The following ITPRID2 variants were observed in gnomAD, a reference collection of about 807,000 sequenced individuals.
ITPRID2 encodes the protein protein ITPRID2.
In ITPRID2, 60 loss-of-function variants were observed where a neutral mutation model predicts 124.3. The observed-to-expected ratio is 0.48, with a 90% confidence interval of 0.39 to 0.60. The LOEUF (loss-of-function observed/expected upper bound fraction) is 0.60, where lower values mean the gene tolerates loss of function less well. ITPRID2 is among the 20% of genes least tolerant of loss of function. The pLI is 0.00. For synonymous variants in ITPRID2, 521 were observed against 542.9 expected (o/e 0.96, Z 0.56); for missense variants, 1,553 against 1,512.2 (o/e 1.03, Z -0.45).
At chr2:181,927,141 A>G (rs1242303093) in intron 16 of ITPRID2, among the ~76,000 whole-genome samples, 1 of 152,206 alleles carries the variant, frequency 6.6e-6, no homozygotes, top group African/African-American at 2.4e-5. Context: ...CCAATTTTGC[A>G]TGATAGACTA....
chr2:181,918,780 T>C lies in ITPRID2; in HGVS notation c.2891T>C (p.Met964Thr). The C allele has an allele frequency of 6.2e-7, 1 of 1,614,106 alleles. No individual in the cohort carries two copies. The highest frequency in any genetic ancestry group is 1.1e-5 in the South Asian group (1 of 91,048). ...AATACTTTTCAGGAGCTCCAGGTAA[T>C]GAGGCGGAGCCTGAATTTGTTTAGA... is the stretch of plus-strand genomic sequence containing the variant. ...YENTFQELQV[M>T]RRSLNLFRTQ... The change falls in exon 13 of 18, where the codon ATG (methionine) becomes ACG (threonine). Residue 964 changes from methionine (M) to threonine (T), a missense_variant. Transcript: ENST00000431877.
intron 8 of ITPRID2, among the ~76,000 whole-genome samples, chr2:181,908,411 A>T (rs1307823040): frequency 6.6e-6 from 1 of 152,222 alleles, no homozygotes; most frequent in Non-Finnish European, 1.5e-5. Flanking sequence ...AGATACTTGA[A>T]GTAGACCGAG....
At position 181,901,934 on chromosome 2, in the gene ITPRID2, G is replaced by A. The variant is rs1045554881; in HGVS notation, c.881G>A (p.Arg294His). ...TTAACTCGAAGTAACACTGCAAATC[G>A]TTTAATGAAAACACTCTCAAAACTG... Reference protein sequence around the residue: ...PPLTRSNTANRLMKTLSKLNL... With the variant: ...PPLTRSNTANHLMKTLSKLNL... The change falls in exon 8 of 18, where the codon CGT becomes CAT. Residue 294 changes from arginine to histidine, a missense_variant. Transcript: ENST00000431877. The A allele has an allele frequency of 3.1e-6, 5 of 1,613,682 alleles. No homozygotes were observed. Among genetic ancestry groups the A allele is most frequent in the African/African-American group, 2.7e-5 (2 of 74,882 alleles).
At chr2:181,916,940 A>G in intron 11 of ITPRID2, 1 of 990,230 alleles carries the variant, frequency 1.0e-6, no homozygotes, top group Non-Finnish European at 1.2e-6. Context: ...TGCTGTGCAC[A>G]GAGTTAGTCT....
intron 6 of ITPRID2, among the ~76,000 whole-genome samples, chr2:181,900,069 G>T (rs1399060313): frequency 6.6e-6 from 1 of 152,214 alleles, no homozygotes; most frequent in East Asian, 1.9e-4. Flanking sequence ...TGGTATGAGA[G>T]AGAAGGGATA....
intron 8 of ITPRID2, among the ~76,000 whole-genome samples, chr2:181,904,438 C>T (rs1692938157): frequency 6.6e-6 from 1 of 151,840 alleles, no homozygotes; most frequent in African/African-American, 2.4e-5. Flanking sequence ...ATAAAAACCT[C>T]CTGGAAGTGT....
rs983597665 is a variant in ITPRID2, at chr2:181,915,749, C to T, written c.2109C>T (p.Cys703=). 2 of 1,613,932 alleles carry T rather than the reference C, an allele frequency of 1.2e-6. No homozygotes were observed. The highest frequency in any genetic ancestry group is 2.7e-5 in the African/African-American group (2 of 74,922). ...TALQRAQMKV[C]SLSNQRMGRS... is the part of the protein sequence containing the mutation. ...TGCAAAGAGCTCAAATGAAGGTTTG[C>T]AGTCTGTCTAATCAAAGGATGGGGC... The change falls in exon 11 of 18, where the codon TGC becomes TGT. Residue 703 remains cysteine (C), a synonymous_variant. Transcript: ENST00000431877.
At chr2:181,894,792 G>A (rs910984567) in intron 2 of ITPRID2, 3 of 152,080 alleles carry the variant, frequency 2.0e-5, no homozygotes, top group Non-Finnish European at 4.4e-5. Context: ...GATAGAATTT[G>A]GAAGGGAGCA....
rs1465940575 is a variant in ITPRID2, at chr2:181,918,657, T to A, written c.2847T>A (p.Ser949=). 2.5e-6 allele frequency: 4 copies of A among 1,614,140 alleles called. No individual in the cohort carries two copies. Among genetic ancestry groups the A allele is most frequent in the Non-Finnish European group, 3.4e-6 (4 of 1,179,996 alleles). Residue 949 remains serine, a synonymous_variant, in exon 12 of 18, where the codon TCT becomes TCA. Coordinates refer to ENST00000431877, the MANE Select transcript of ITPRID2 (RefSeq NM_001130445.3). ...AAAPYSTQKS[S]VLPLYENTFQ... ...CTCCATATAGTACTCAGAAATCATC[T>A]GTTCTACCTCTTTATGAAGTAAGTT...
chr2:181,914,081 G>T, intron 10 of ITPRID2, 148 bp downstream of exon 10: 1 of 535,718 alleles, frequency 1.9e-6, no homozygotes, highest in Non-Finnish European at 3.2e-6. Flanking sequence ...TGTTATCTAA[G>T]CATTTGACTA....
At position 181,892,188 on chromosome 2, in the gene ITPRID2, A is replaced by C; in HGVS notation, c.122A>C (p.Asp41Ala). The change falls in exon 1 of 18, where the codon GAT becomes GCT. Residue 41 changes from aspartate (D) to alanine (A), a missense_variant. Asp to Ala is a moderately radical substitution (Grantham distance 126). Transcript: ENST00000431877. The surrounding 1 kb of genome is among the most constrained non-coding windows in gnomAD (Gnocchi z 5.2). ...TCCTGGCAAGCGTCGGAGACGGAGG[A>C]TCTGTCCACAGAAGCGACGACGCAG... Reference protein sequence around the residue: ...RSSWQASETEDLSTEATTQDE... With the variant: ...RSSWQASETEALSTEATTQDE... 6.4e-7 allele frequency: 1 copy of C among 1,553,234 alleles called. No individual in the cohort carries two copies.
Position 181,919,196 on chromosome 2 carries a change from T to A in ITPRID2, c.2994-100T>A. The A allele has an allele frequency of 7.3e-7, 1 of 1,364,948 alleles. No individual in the cohort carries two copies. The allele number at this position is 1,364,948 out of a possible 1,614,324, so 84.6% of individuals were successfully genotyped here. On this transcript the variant is annotated intron_variant, in intron 13 of 17. Transcript: ENST00000431877. This position sits in a 1 kb window ranked among gnomAD's most constrained non-coding sequence, Gnocchi z 4.2. ...GTACTAATTTCTAGAACCTGAGATTTCCATGCCTTCTGTTAGCATATAGTA... is the reference window on the plus strand; with the variant it reads ...GTACTAATTTCTAGAACCTGAGATTACCATGCCTTCTGTTAGCATATAGTA...
chr2:181,923,373 A>G (rs374780281), intron 16 of ITPRID2, among the ~76,000 whole-genome samples: 62 of 152,332 alleles, frequency 4.1e-4, no homozygotes, highest in African/African-American at 1.5e-3. Context: ...TTTTCAAAAC[A>G]AGCATTATAG....
At chr2:181,904,102 C>A in intron 8 of ITPRID2, among the ~76,000 whole-genome samples, 1 of 152,194 alleles carries the variant, frequency 6.6e-6, no homozygotes, top group Non-Finnish European at 1.5e-5. Flanking sequence ...TTCCTGAATT[C>A]TAAGCTGTAG....
chr2:181,892,628 C>T lies in ITPRID2; in HGVS notation c.225C>T (p.Asn75=). Residue 75 remains asparagine (N), a synonymous_variant, in exon 2 of 18, where the codon AAC becomes AAT. Coordinates refer to ENST00000431877, the MANE Select transcript of ITPRID2 (RefSeq NM_001130445.3). This position sits in a 1 kb window ranked among gnomAD's most constrained non-coding sequence, Gnocchi z 5.2. ...PAAGGRGNVP[N]EKIAIWLKDC... ...CTCTACCCCCAGGAAACGTGCCCAA[C>T]GAGAAGATCGCGATATGGCTCAAGG... is the stretch of plus-strand genomic sequence containing the variant. 1.9e-6 allele frequency: 3 copies of T among 1,614,152 alleles called. No individual in the cohort carries two copies. The highest frequency in any genetic ancestry group is 2.2e-5 in the East Asian group (1 of 44,866).
chr2:181,908,587 A>G (rs939451364), intron 8 of ITPRID2, among the ~76,000 whole-genome samples: 2 of 152,210 alleles, frequency 1.3e-5, no homozygotes, highest in Non-Finnish European at 2.9e-5. Context: ...CTATTTTTAT[A>G]TATCTGATCT....
intron 9 of ITPRID2, among the ~76,000 whole-genome samples, chr2:181,912,249 C>G (rs1490677935): frequency 6.6e-6 from 1 of 152,160 alleles, no homozygotes; most frequent in African/African-American, 2.4e-5. Flanking sequence ...TTTCTGCCTT[C>G]AAAAGGCTCA....
chr2:181,921,585 T>G lies in ITPRID2; in HGVS notation c.3211-363T>G, dbSNP rs536397866. Reference sequence around the variant, plus strand: ...TAGAGCTGTAACATGACCACGTTTTTAACAGAAATCTGTCTTTATTGTGTT... The same window carrying G: ...TAGAGCTGTAACATGACCACGTTTTGAACAGAAATCTGTCTTTATTGTGTT... On this transcript the variant is annotated intron_variant, in intron 15 of 17. Coordinates refer to ENST00000431877, the MANE Select transcript of ITPRID2 (RefSeq NM_001130445.3). Among the ~76,000 whole-genome samples, 5 of 152,348 alleles carry G rather than the reference T, an allele frequency of 3.3e-5. No individual in the cohort carries two copies. The East Asian group carries it at 9.7e-4, about 29-fold the overall frequency.
rs750965139 is a variant in ITPRID2, at chr2:181,919,337, G to A, written c.3035G>A (p.Arg1012Gln). The A allele has an allele frequency of 7.4e-6, 12 of 1,614,100 alleles. No individual in the cohort carries two copies. Among genetic ancestry groups the A allele is most frequent in the Admixed American group, 1.7e-5 (1 of 60,024 alleles). The change falls in exon 14 of 18, where the codon CGA (arginine) becomes CAA (glutamine). Residue 1012 changes from arginine to glutamine, a missense_variant. Coordinates refer to ENST00000431877, the MANE Select transcript of ITPRID2 (RefSeq NM_001130445.3). This position sits in a 1 kb window ranked among gnomAD's most constrained non-coding sequence, Gnocchi z 4.2. ...DQLQGLRNSV[R>Q]MELQDLELQL... ...CTCCAGGGTTTGAGAAATTCAGTCC[G>A]AATGGAACTTCAGGACCTGGAACTG...
Sources: gnomAD v4.1 joint callset for allele counts (sites outside exome capture counted in the v4.1 genomes callset) on GRCh38, gnomAD v4.1.1 for gene constraint, Gnocchi (gnomAD v3.1) non-coding constraint, MANE v1.5 for transcripts, NCBI Gene and HGNC (gene_info 2026-07-23, HGNC 2026-07-21) for gene names.